The following ZNF69 variants were observed in gnomAD, a reference collection of about 807,000 sequenced individuals.
The protein encoded by ZNF69 is zinc finger protein 69.
ZNF69 carries 47 observed loss-of-function variants against 50.9 expected under a neutral mutation model. That is an observed-to-expected ratio of 0.92 (90% CI 0.73 to 1.18). The LOEUF (loss-of-function observed/expected upper bound fraction) is 1.18, where lower values mean the gene tolerates loss of function less well. Ranked by LOEUF, ZNF69 falls within the 50% of genes most tolerant of loss-of-function variation. The pLI, the probability that ZNF69 is intolerant of heterozygous loss-of-function variation, is 0.00. For synonymous variants in ZNF69, 216 were observed against 223.1 expected, an observed-to-expected ratio of 0.97 and a Z score of 0.29; for missense variants, 717 against 675.1, an observed-to-expected ratio of 1.06 and a Z score of -0.69.
At chr19:11,974,119 T>TTCTC in the ZNF69 span, among the ~76,000 whole-genome samples, 1 of 63,628 alleles carries the variant, frequency 1.6e-5, no homozygotes, top group African/African-American at 6.2e-5. Flanking sequence ...CTTTCTTTCT[T>TTCTC]TCTTTCTTTT....
chr19:11,942,372 A>G, the ZNF69 span, among the ~76,000 whole-genome samples: 5 of 151,922 alleles, frequency 3.3e-5, no homozygotes, highest in African/African-American at 7.3e-5. Context: ...CTATTAATTC[A>G]TAGGACTCCG....
At chr19:11,927,422 TTAAATAAATAAATAAA>T in the ZNF69 span, among the ~76,000 whole-genome samples, 884 of 143,122 alleles carry the variant, frequency 6.2e-3, 7 homozygotes, top group African/African-American at 0.021. Context: ...CTGTCTCTAT[TTAAATAAATAAATAAA>T]TAAATAAATA....
chr19:11,957,472 T>C, the ZNF69 span, among the ~76,000 whole-genome samples: 4 of 152,104 alleles, frequency 2.6e-5, no homozygotes, highest in South Asian at 4.1e-4. Flanking sequence ...GTCTAGGTAC[T>C]GAACTTGCAA....
At chr19:11,942,728 A>G in the ZNF69 span, among the ~76,000 whole-genome samples, 3 of 152,154 alleles carry the variant, frequency 2.0e-5, no homozygotes, top group African/African-American at 7.2e-5. Flanking sequence ...TTTCTCATAC[A>G]ATGTCTGGAA....
chr19:11,895,236 A>G (rs957714945), intron 1 of ZNF69, among the ~76,000 whole-genome samples: 1 of 152,252 alleles, frequency 6.6e-6, no homozygotes, highest in Admixed American at 6.5e-5. Context: ...CAGAAGAGGC[A>G]ACTCAACAAA....
At chr19:11,930,878 A>G in the ZNF69 span, among the ~76,000 whole-genome samples, 2 of 147,870 alleles carry the variant, frequency 1.4e-5, no homozygotes, top group South Asian at 4.2e-4. Flanking sequence ...GCATGGCTGT[A>G]ATCCCAGCTA....
the ZNF69 span, chr19:11,950,772 T>G: frequency 5.2e-6 from 1 of 191,904 alleles, no homozygotes; most frequent in Middle Eastern, 5.8e-4. Flanking sequence ...TAGATCAAGC[T>G]TATAATGTTA....
chr19:11,944,844 G>A, the ZNF69 span, among the ~76,000 whole-genome samples: 9 of 152,170 alleles, frequency 5.9e-5, no homozygotes, highest in Non-Finnish European at 8.8e-5. Context: ...TAGAAGTACC[G>A]GCTTAACAAC....
At chr19:11,925,106 T>C in the ZNF69 span, 225 of 1,386,324 alleles carry the variant, frequency 1.6e-4, 5 homozygotes, top group East Asian at 1.3e-3. Flanking sequence ...GGGGTCGCTT[T>C]CCTCACCTTC....
Position 11,905,193 on chromosome 19 carries a change from C to T in ZNF69, c.796C>T (p.His266Tyr). 1 of 1,614,114 alleles carries T rather than the reference C, an allele frequency of 6.2e-7. No individual in the cohort carries two copies. The highest frequency in any genetic ancestry group is 8.5e-7 in the Non-Finnish European group (1 of 1,180,022). ...TAGTTATTCTGCTACCCTTCGAATA[C>T]ACGAAAGAACTCACACTGGAGAAAA... ...SFSYSATLRI[H>Y]ERTHTGEKPY... Residue 266 changes from histidine to tyrosine, a missense_variant, in exon 4 of 4, where the codon CAC becomes TAC. Coordinates refer to ENST00000429654, the MANE Select transcript of ZNF69 (RefSeq NM_001364730.1).
the ZNF69 span, chr19:11,965,317 C>T: frequency 1.3e-6 from 2 of 1,511,704 alleles, no homozygotes; most frequent in East Asian, 4.7e-5. Context: ...ACTCCAGGGT[C>T]TGGGACCGAG....
chr19:11,969,929 G>A, the ZNF69 span, among the ~76,000 whole-genome samples: 3 of 152,060 alleles, frequency 2.0e-5, no homozygotes, highest in Admixed American at 1.3e-4. Context: ...TCTTTTCCTG[G>A]TTTTGGGTTT....
chr19:11,975,065 G>A, the ZNF69 span, among the ~76,000 whole-genome samples: 1 of 151,680 alleles, frequency 6.6e-6, no homozygotes, highest in Non-Finnish European at 1.5e-5. Flanking sequence ...GATGTTTCTT[G>A]CATGTCATAG....
chr19:11,943,615 T>C, the ZNF69 span, among the ~76,000 whole-genome samples: 1 of 152,186 alleles, frequency 6.6e-6, no homozygotes, highest in Non-Finnish European at 1.5e-5. Context: ...GGTCGGGCAT[T>C]TCCTGGGTTA....
chr19:11,967,439 C>G, the ZNF69 span, among the ~76,000 whole-genome samples: 2 of 152,034 alleles, frequency 1.3e-5, no homozygotes, highest in African/African-American at 2.4e-5. Context: ...GAGTCTCGCT[C>G]TGTTGCCCAG....
chr19:11,975,290 C>T, the ZNF69 span, among the ~76,000 whole-genome samples: 8 of 151,848 alleles, frequency 5.3e-5, no homozygotes, highest in South Asian at 1.0e-3. Flanking sequence ...AGGCTGGTCT[C>T]GAACTCCCAA....
downstream of ZNF69, among the ~76,000 whole-genome samples, chr19:11,911,018 G>A (rs1043572941): frequency 6.6e-6 from 1 of 152,136 alleles, no homozygotes; most frequent in African/African-American, 2.4e-5. Flanking sequence ...CAAAGGATAT[G>A]AACAGACATT....
the ZNF69 span, chr19:11,964,948 A>C: frequency 2.2e-6 from 1 of 464,608 alleles, no homozygotes; most frequent in East Asian, 4.1e-5. Flanking sequence ...GTCACTCAGA[A>C]GTGAGGGGCG....
At chr19:11,890,079 A>T (rs1977047103) in intron 1 of ZNF69, among the ~76,000 whole-genome samples, 1 of 152,188 alleles carries the variant, frequency 6.6e-6, no homozygotes, top group Non-Finnish European at 1.5e-5. Context: ...GGTCGGCTTT[A>T]CACAGAGACA....
Sources: allele counts gnomAD v4.1 joint callset (sites outside exome capture counted in the v4.1 genomes callset), GRCh38; gene constraint gnomAD v4.1.1; transcripts MANE v1.5; gene names NCBI Gene and HGNC (gene_info 2026-07-23, HGNC 2026-07-21).